Variants in SP4 observed in about 807,000 individuals in gnomAD.
The protein encoded by SP4 is transcription factor Sp4.
Under a neutral mutation model 72.8 loss-of-function variants are expected in SP4, and 19 were observed. The observed-to-expected ratio is 0.26, with a 90% CI of 0.18 to 0.38. The LOEUF (loss-of-function observed/expected upper bound fraction) is 0.38, where lower values mean the gene tolerates loss of function less well. Ranked by LOEUF, SP4 falls within the 10% of genes least tolerant of loss-of-function variation. SP4 has a pLI of 1.00. For synonymous variants in SP4, 395 were observed against 333.1 expected, an observed-to-expected ratio of 1.19 and a Z score of -2.02; for missense variants, 1,008 against 926.3, an observed-to-expected ratio of 1.09 and a Z score of -1.14.
intron 5 of SP4, among the ~76,000 whole-genome samples, chr7:21,503,040 G>A (rs1781909081): frequency 6.6e-6 from 1 of 152,052 alleles, no homozygotes; most frequent in Non-Finnish European, 1.5e-5. Context: ...ACCTCATGCA[G>A]CTGTTCGCAT....
intron 3 of SP4, among the ~76,000 whole-genome samples, chr7:21,474,658 C>T (rs552746229): frequency 6.6e-6 from 1 of 152,300 alleles, no homozygotes; most frequent in Admixed American, 6.5e-5. Context: ...TCCTCAGGAA[C>T]AGCTCTTTAA....
intron 5 of SP4, among the ~76,000 whole-genome samples, chr7:21,487,762 A>G (rs62439715): frequency 2.2e-3 from 156 of 71,252 alleles, no homozygotes; most frequent in Non-Finnish European, 5.8e-3. Context: ...GATGATGATG[A>G]TGGTGGTGGT....
At chr7:21,470,749 G>GAA (rs11406915) in intron 3 of SP4, among the ~76,000 whole-genome samples, 1,368 of 105,244 alleles carry the variant, frequency 0.013, 13 homozygotes, top group Non-Finnish European at 0.019. Flanking sequence ...TCTATATTTG[G>GAA]AAAAAAAAAA....
At position 21,430,699 on chromosome 7, in the gene SP4, C is replaced by T; in HGVS notation, c.1534C>T (p.Pro512Ser). The T allele has an allele frequency of 1.9e-6, 3 of 1,614,218 alleles. No individual in the cohort carries two copies. Among genetic ancestry groups the T allele is most frequent in the East Asian group, 4.5e-5 (2 of 44,888 alleles). The change falls in exon 3 of 6, where the codon CCT becomes TCT. Residue 512 changes from proline (P) to serine (S), a missense_variant. This residue lies in a region of SP4 where 893 missense variants were observed against 743.3 expected (regional missense o/e 1.20). Coordinates refer to ENST00000222584, the MANE Select transcript of SP4 (RefSeq NM_003112.5). The stretch of plus-strand genomic sequence containing the variant: ...TGGCACAACTCTTGCTCAGATTGCT[C>T]CTGTGGCTGTTGCTGGTGCCCCAAT... ...SGGTTLAQIA[P>S]VAVAGAPITL...
At chr7:21,496,703 G>C (rs1000415354) in intron 5 of SP4, among the ~76,000 whole-genome samples, 1 of 152,080 alleles carries the variant, frequency 6.6e-6, no homozygotes, top group African/African-American at 2.4e-5. Context: ...AATTGGGGAA[G>C]TTTTTACCTA....
intron 3 of SP4, among the ~76,000 whole-genome samples, chr7:21,473,351 G>A (rs538069350): frequency 3.4e-4 from 52 of 152,238 alleles, no homozygotes; most frequent in African/African-American, 1.2e-3. Flanking sequence ...ACTGAAACAG[G>A]GACATTAGCA....
chr7:21,488,080 G>T (rs1054588591), intron 5 of SP4, among the ~76,000 whole-genome samples: 1 of 152,030 alleles, frequency 6.6e-6, no homozygotes, highest in Non-Finnish European at 1.5e-5. Context: ...GCCCAGGCTG[G>T]TGTTGAACTC....
Position 21,428,735 on chromosome 7 carries a change from A to G in SP4, c.66A>G (p.Gly22=). The change falls in exon 2 of 6, where the codon GGA becomes GGG. Residue 22 remains glycine (G), a synonymous_variant. Coordinates refer to ENST00000222584, the MANE Select transcript of SP4 (RefSeq NM_003112.5). The part of the protein sequence containing the change: ...AAAAAAMATE[G]GKTSEPENNN... ...CGGCAGCGGCGATGGCTACAGAAGG[A>G]GGGAAAACCTCTGAGCCAGAGAATA... The G allele has an allele frequency of 2.6e-6, 4 of 1,554,264 alleles. No homozygotes were observed. Among genetic ancestry groups the G allele is most frequent in the Non-Finnish European group, 2.6e-6 (3 of 1,148,502 alleles).
intron 3 of SP4, among the ~76,000 whole-genome samples, chr7:21,435,896 T>C (rs1783036378): frequency 6.6e-6 from 1 of 150,410 alleles, no homozygotes; most frequent in African/African-American, 2.5e-5. Context: ...CAAAGGAAAA[T>C]AGAGTTTTTT....
chr7:21,485,732 A>G (rs1460394305), intron 5 of SP4, among the ~76,000 whole-genome samples: 2 of 151,884 alleles, frequency 1.3e-5, no homozygotes, highest in Non-Finnish European at 1.5e-5. Context: ...TTTTTCTTGT[A>G]TTGTTTGACT....
intron 3 of SP4, among the ~76,000 whole-genome samples, chr7:21,460,432 T>G (rs1456946321): frequency 6.6e-6 from 1 of 150,426 alleles, no homozygotes; most frequent in African/African-American, 2.4e-5. Context: ...GGAGTGAAGC[T>G]GCAGACCTTC....
chr7:21,428,853 C>T, intron 2 of SP4, 61 bp downstream of exon 2: 1 of 1,247,984 alleles, frequency 8.0e-7, no homozygotes, highest in South Asian at 1.4e-5. Flanking sequence ...GGGAGTTATG[C>T]CCTTTGAATG....
chr7:21,510,227 T>A (rs1782106779), intron 5 of SP4, among the ~76,000 whole-genome samples: 2 of 152,146 alleles, frequency 1.3e-5, no homozygotes, highest in South Asian at 4.1e-4. Flanking sequence ...AACATTTCAG[T>A]CCCTTAAGTA....
chr7:21,481,883 A>T (rs752866909), intron 4 of SP4, 41 bp from the exon 5 acceptor site: 1 of 1,346,056 alleles, frequency 7.4e-7, no homozygotes, highest in South Asian at 1.2e-5. Flanking sequence ...TAAACCTACT[A>T]TTTGGCAGTG....
chr7:21,428,304 C>T, intron 1 of SP4, 46 bp downstream of exon 1: 1 of 1,035,410 alleles, frequency 9.7e-7, no homozygotes, highest in African/African-American at 1.6e-5. Context: ...GCCTCCCTCT[C>T]TCCCTCCCTC....
chr7:21,437,134 A>G (rs568092567), intron 3 of SP4, among the ~76,000 whole-genome samples: 21 of 150,828 alleles, frequency 1.4e-4, no homozygotes, highest in African/African-American at 4.8e-4. Flanking sequence ...TGGCATGAAT[A>G]ACACCTCAAT....
intron 3 of SP4, among the ~76,000 whole-genome samples, chr7:21,447,786 C>T (rs1351951031): frequency 2.0e-5 from 3 of 152,178 alleles, no homozygotes; most frequent in African/African-American, 4.8e-5. Flanking sequence ...CAGGTTCAAG[C>T]GATTCTCTTG....
intron 5 of SP4, among the ~76,000 whole-genome samples, chr7:21,486,063 T>G (rs779974724): frequency 1.7e-4 from 26 of 152,042 alleles, no homozygotes; most frequent in Admixed American, 5.9e-4. Flanking sequence ...TCTGCTTAAT[T>G]TGGTTGTTTG....
At chr7:21,448,246 TCA>T (rs1783485741) in intron 3 of SP4, among the ~76,000 whole-genome samples, 1 of 151,134 alleles carries the variant, frequency 6.6e-6, no homozygotes, top group Non-Finnish European at 1.5e-5. Context: ...GAGGTCTAGC[TCA>T]CTACTATTAT....
Sources: gnomAD v4.1 joint callset for allele counts (sites outside exome capture counted in the v4.1 genomes callset) on GRCh38, gnomAD v4.1.1 for gene constraint, gnomAD v4.1.1 regional missense constraint, MANE v1.5 for transcripts, NCBI Gene and HGNC (gene_info 2026-07-23, HGNC 2026-07-21) for gene names.